Variants in PICALM observed in about 807,000 individuals in gnomAD.
PICALM encodes phosphatidylinositol-binding clathrin assembly protein.
PICALM carries 40 observed loss-of-function variants against 80.5 expected under a neutral mutation model. That is an observed-to-expected ratio of 0.50 (90% CI 0.39 to 0.65). PICALM has a LOEUF of 0.65. Ranked by LOEUF, PICALM falls within the 30% of genes least tolerant of loss-of-function variation. The pLI is 0.00. For synonymous variants in PICALM, 288 were observed against 260.3 expected, an observed-to-expected ratio of 1.11 and a Z score of -1.02; for missense variants, 676 against 778.9, an observed-to-expected ratio of 0.87 and a Z score of 1.57.
rs532079205 is a variant in PICALM at position 85,998,070 on chromosome 11, C to A, written c.1155-1141G>T. On this transcript the variant is annotated intron_variant, in intron 11 of 19. Coordinates refer to ENST00000393346, the MANE Select transcript of PICALM (RefSeq NM_007166.4). ...GTGCTGGGATTACAGGCGGGAGGCA[C>A]CATGCCTGGCTTACATGATATATTT... Among the ~76,000 whole-genome samples, 3 of 151,984 alleles carry A rather than the reference C, an allele frequency of 2.0e-5. No individual in the cohort carries two copies. In the East Asian group the frequency reaches 5.9e-4, roughly 30 times the overall value.
Position 86,050,578 on chromosome 11 carries a change from CAAT to C in PICALM, c.130+18070_130+18072del, listed in dbSNP as rs574939774. 1.4e-3 allele frequency among the ~76,000 whole-genome samples: 209 copies of C among 152,156 alleles called. 1 individual carries two copies. Among genetic ancestry groups the C allele is most frequent in the African/African-American group, 4.7e-3 (194 of 41,508 alleles). On this transcript the variant is annotated intron_variant, in intron 1 of 19. Transcript: ENST00000393346. ...CAAATTAAATTAAGGATCCTGGCAA[CAAT>C]AATAATGTTTACATTTCTGTGTTTC... is the stretch of plus-strand genomic sequence containing the variant.
chr11:86,053,136 CA>C (rs2137405434), intron 1 of PICALM, among the ~76,000 whole-genome samples: 1 of 152,316 alleles, frequency 6.6e-6, no homozygotes, highest in East Asian at 1.9e-4. Flanking sequence ...TAGTGTTTCA[CA>C]ATAATCTCAA....
chr11:86,067,528 T>A (rs1194035257), intron 1 of PICALM, among the ~76,000 whole-genome samples: 1 of 152,174 alleles, frequency 6.6e-6, no homozygotes, highest in Non-Finnish European at 1.5e-5. Context: ...GCTCTACTAA[T>A]TGTATCTACG....
In PICALM at chr11:85,974,564, TAAGA is replaced by T. The variant is rs1290962035; in HGVS notation, c.1944+140_1944+143del. On this transcript the variant is annotated intron_variant, in intron 19 of 19. Coordinates refer to ENST00000393346, the MANE Select transcript of PICALM (RefSeq NM_007166.4). ...AATCAATATTCCTAAAGCTCTTATA[TAAGA>T]AAGATATGAAGCAAGCAATATCCAT... is the stretch of plus-strand genomic sequence containing the variant. 50 of 726,352 alleles carry T rather than the reference TAAGA, an allele frequency of 6.9e-5. No individual in the cohort carries two copies. In the Middle Eastern group the frequency reaches 1.7e-3, roughly 25 times the overall value. The allele number at this position is 726,352 out of a possible 1,614,324, so 45.0% of individuals were successfully genotyped here.
chr11:86,033,565 T>C (rs116414611), intron 1 of PICALM, among the ~76,000 whole-genome samples: 1,896 of 152,286 alleles, frequency 0.012, 44 homozygotes, highest in African/African-American at 0.044. Context: ...TCCCTGAATA[T>C]TTACGCAAAA....
chr11:86,057,068 G>A (rs2096280672), intron 1 of PICALM, among the ~76,000 whole-genome samples: 1 of 152,102 alleles, frequency 6.6e-6, no homozygotes, highest in Non-Finnish European at 1.5e-5. Context: ...GATGGAAAAT[G>A]TTCTAGAATT....
intron 19 of PICALM, among the ~76,000 whole-genome samples, chr11:85,963,012 A>G (rs543465583): frequency 1.9e-3 from 297 of 152,338 alleles, no homozygotes; most frequent in Non-Finnish European, 3.6e-3. Flanking sequence ...CAAGAACAAA[A>G]TAGCATGAAG....
At chr11:86,060,735 C>CAAAAAAAAA (rs61642872) in intron 1 of PICALM, among the ~76,000 whole-genome samples, 1 of 132,876 alleles carries the variant, frequency 7.5e-6, no homozygotes. Context: ...TATCCACAGG[C>CAAAAAAAAA]AAAAAAAAAA....
chr11:85,969,682 T>C (rs1246347863), intron 19 of PICALM: 1 of 412,864 alleles, frequency 2.4e-6, no homozygotes, highest in African/African-American at 2.1e-5. Context: ...AGATAAACAG[T>C]TTACTTTTTT....
intron 12 of PICALM, 147 bp downstream of exon 12, chr11:85,996,679 T>C: frequency 1.8e-6 from 1 of 546,298 alleles, no homozygotes. Context: ...GAACATACCT[T>C]CAAGGGATAA....
chr11:85,974,100 T>C (rs1473570293), intron 19 of PICALM, among the ~76,000 whole-genome samples: 1 of 152,046 alleles, frequency 6.6e-6, no homozygotes, highest in Non-Finnish European at 1.5e-5. Context: ...ACAATGTATA[T>C]TTATGGTGTA....
chr11:86,036,437 CA>C (rs1164737512), intron 1 of PICALM, among the ~76,000 whole-genome samples: 2 of 152,172 alleles, frequency 1.3e-5, no homozygotes, highest in African/African-American at 2.4e-5. Context: ...AGAATTAACT[CA>C]AAACTATGCT....
chr11:85,975,564 A>C (rs879398763), intron 18 of PICALM, among the ~76,000 whole-genome samples: 8 of 149,434 alleles, frequency 5.4e-5, no homozygotes, highest in Non-Finnish European at 1.2e-4. Flanking sequence ...GCTTCATTTT[A>C]AGTTTATGGC....
rs548939496 is a variant in PICALM, at chr11:85,981,853, G to A, written c.1648+19C>T. ...TAAAACAACATAAAAGAAGATTAAC[G>A]TATCCAAAGACTACTTACTGCCCAC... On this transcript the variant is annotated intron_variant, in intron 15 of 19. Transcript: ENST00000393346. 74 of 1,612,374 alleles carry A rather than the reference G, an allele frequency of 4.6e-5. No individual in the cohort carries two copies. Among genetic ancestry groups the A allele is most frequent in the African/African-American group, 3.1e-4 (23 of 74,966 alleles).
chr11:85,963,734 G>C (rs916978904), intron 19 of PICALM, among the ~76,000 whole-genome samples: 1 of 151,844 alleles, frequency 6.6e-6, no homozygotes, highest in Non-Finnish European at 1.5e-5. Context: ...CCAGAGCAAT[G>C]ATTTTTTTGG....
rs748883207 is a variant in PICALM at position 85,974,795 on chromosome 11, A to G, written c.1857T>C (p.Ser619=). The stretch of plus-strand genomic sequence containing the variant: ...AGGTTGGTTGCGTCATTACAGGAAC[A>G]CTTCCCATTTGTGGAGGCTAAAAAA... ...IGYGIPPQMG[S]VPVMTQPTLI... Residue 619 remains serine, a synonymous_variant, in exon 19 of 20, where the codon AGT becomes AGC. Transcript: ENST00000393346. 1.2e-6 allele frequency: 2 copies of G among 1,612,870 alleles called. No homozygotes were observed. Among genetic ancestry groups the G allele is most frequent in the African/African-American group, 1.3e-5 (1 of 74,868 alleles).
At chr11:86,035,984 G>C (rs2095837554) in intron 1 of PICALM, among the ~76,000 whole-genome samples, 2 of 150,782 alleles carry the variant, frequency 1.3e-5, no homozygotes, top group Admixed American at 6.6e-5. Flanking sequence ...AAGAAAATTG[G>C]AGATAAAATT....
Position 85,974,665 on chromosome 11 carries a change from C to T in PICALM, c.1944+43G>A, listed in dbSNP as rs541451850. ...AGGGTTTTATAGTATCATATTCCTTCCAAATCAAACACATTACCACAGTTA... is the reference window on the plus strand; with the variant it reads ...AGGGTTTTATAGTATCATATTCCTTTCAAATCAAACACATTACCACAGTTA... On this transcript the variant is annotated intron_variant, in intron 19 of 19. Coordinates refer to ENST00000393346, the MANE Select transcript of PICALM (RefSeq NM_007166.4). The T allele has an allele frequency of 1.3e-4, 162 of 1,276,550 alleles. 1 individual carries two copies. In the South Asian group the frequency reaches 1.8e-3, roughly 14 times the overall value. The allele number at this position is 1,276,550 out of a possible 1,614,324, so 79.1% of individuals were successfully genotyped here. A position where few individuals can be genotyped will look rare whatever the true frequency, so the allele number is the denominator to read the frequency against.
intron 5 of PICALM, among the ~76,000 whole-genome samples, chr11:86,013,610 T>C (rs1243607939): frequency 6.6e-6 from 1 of 152,168 alleles, no homozygotes; most frequent in Admixed American, 6.5e-5. Flanking sequence ...AGATAAATTG[T>C]TATTATATAA....
Sources: gnomAD v4.1 joint callset for allele counts (sites outside exome capture counted in the v4.1 genomes callset) on GRCh38, gnomAD v4.1.1 for gene constraint, MANE v1.5 for transcripts, NCBI Gene and HGNC (gene_info 2026-07-23, HGNC 2026-07-21) for gene names.